MX2: variants seen among roughly 807,000 people sequenced by gnomAD.
MX2 encodes the protein MX dynamin like GTPase 2.
A neutral mutation model predicts 74.0 loss-of-function variants in MX2; 51 were observed. The ratio of observed to expected loss-of-function variants is 0.69; its 90% CI spans 0.55 to 0.87. The LOEUF (loss-of-function observed/expected upper bound fraction) is 0.87. MX2 is among the 40% of genes least tolerant of loss of function. The pLI is 0.00. For synonymous variants in MX2, 369 were observed against 339.3 expected (o/e 1.09, Z -0.96); for missense variants, 832 against 908.7 (o/e 0.92, Z 1.09).
rs1316459532 is a variant in MX2, at chr21:41,380,214, T to C, written c.577+63T>C. 1.9e-6 allele frequency: 3 copies of C among 1,602,750 alleles called. No individual in the cohort carries two copies. The highest frequency in any genetic ancestry group is 2.6e-6 in the Non-Finnish European group (3 of 1,173,522). On this transcript the variant is annotated intron_variant, in intron 4 of 13. Coordinates refer to ENST00000330714, the MANE Select transcript of MX2 (RefSeq NM_002463.2). The surrounding 1 kb of genome is among the most constrained non-coding windows in gnomAD (Gnocchi z 4.3). Reference sequence around the variant, plus strand: ...CGCTCCTCTCACTTCCTCGGTTCCTTCTCCTCTTCCTCAAGTCACCCCCAC... The same window carrying C: ...CGCTCCTCTCACTTCCTCGGTTCCTCCTCCTCTTCCTCAAGTCACCCCCAC...
chr21:41,404,831 G>T (rs1225951489), intron 12 of MX2: 2 of 146,910 alleles, frequency 1.4e-5, no homozygotes, highest in East Asian at 4.0e-4. Flanking sequence ...TAAGTTTGGG[G>T]TCCCAAGAAT....
chr21:41,379,614 A>G lies in MX2; in HGVS notation c.443-403A>G, dbSNP rs569993727. Among the ~76,000 whole-genome samples, 1,108 of 151,978 alleles carry G rather than the reference A, an allele frequency of 7.3e-3. 19 individuals carry two copies. Among genetic ancestry groups the G allele is most frequent in the African/African-American group, 0.025 (1,044 of 41,424 alleles). On this transcript the variant is annotated intron_variant, in intron 3 of 13. Coordinates refer to ENST00000330714, the MANE Select transcript of MX2 (RefSeq NM_002463.2). ...CAGGGCTGCCCACCGGGACAATTACAGGGCCTGGGGCAGACACCTGACATG... is the reference window on the plus strand; with the variant it reads ...CAGGGCTGCCCACCGGGACAATTACGGGGCCTGGGGCAGACACCTGACATG...
At chr21:41,381,481 C>T (rs2089491413) in intron 4 of MX2, among the ~76,000 whole-genome samples, 1 of 152,070 alleles carries the variant, frequency 6.6e-6, no homozygotes, top group Admixed American at 6.5e-5. Flanking sequence ...GTTAGGAGAT[C>T]AAGACCATCC....
chr21:41,394,958 GAA>G (rs34081858), intron 6 of MX2, among the ~76,000 whole-genome samples: 1 of 150,500 alleles, frequency 6.6e-6, no homozygotes, highest in Admixed American at 6.6e-5. Context: ...GAGAGAGAGA[GAA>G]AGGAAGGAAG....
intron 10 of MX2, 34 bp from the exon 11 acceptor site, chr21:41,401,936 A>G (rs765047837): frequency 2.5e-6 from 4 of 1,599,152 alleles, no homozygotes; most frequent in Non-Finnish European, 3.4e-6. Flanking sequence ...CAGAATTAGC[A>G]GAATTCACCA....
At chr21:41,395,888 A>G (rs2089728256) in intron 7 of MX2, 103 bp downstream of exon 7, 1 of 1,159,584 alleles carries the variant, frequency 8.6e-7, no homozygotes, top group Admixed American at 2.1e-5. Context: ...AAATTACACA[A>G]GGTAGTATAA....
intron 8 of MX2, 62 bp downstream of exon 8, chr21:41,397,753 C>A: frequency 1.4e-6 from 2 of 1,456,410 alleles, no homozygotes; most frequent in South Asian, 1.2e-5. Flanking sequence ...CTCTCTTGGT[C>A]TGGAGTTGGC....
chr21:41,394,360 C>A (rs560347877), intron 6 of MX2, among the ~76,000 whole-genome samples: 2 of 152,224 alleles, frequency 1.3e-5, no homozygotes, highest in East Asian at 1.9e-4. Flanking sequence ...TGGAGTGCTC[C>A]TTCTCCCTCC....
chr21:41,394,827 G>A (rs572674422), intron 6 of MX2, among the ~76,000 whole-genome samples: 50 of 152,066 alleles, frequency 3.3e-4, no homozygotes, highest in African/African-American at 1.1e-3. Context: ...TGTAGTCCCC[G>A]CTACTCAGGA....
chr21:41,362,659 G>C (rs957148247), intron 1 of MX2, among the ~76,000 whole-genome samples: 1 of 151,748 alleles, frequency 6.6e-6, no homozygotes, highest in African/African-American at 2.4e-5. Flanking sequence ...CTGCACCCTG[G>C]ATCGCCTGCA....
chr21:41,369,665 C>T (rs1410102582), intron 1 of MX2, among the ~76,000 whole-genome samples: 3 of 152,142 alleles, frequency 2.0e-5, no homozygotes, highest in Non-Finnish European at 4.4e-5. Context: ...CTCTGGGACT[C>T]TGGTGCCCCT....
intron 1 of MX2, chr21:41,365,137 A>T (rs1159311681): frequency 1.3e-5 from 2 of 152,220 alleles, no homozygotes; most frequent in African/African-American, 2.4e-5. Context: ...GTAATTAAAG[A>T]CGAGGTTGTT....
rs1256364500 is a variant in MX2, at chr21:41,396,959, GCCAGT to G, written c.1071-649_1071-645del. The stretch of plus-strand genomic sequence containing the variant: ...GTTCCTCCTGGTTGAGGCTAATGTT[GCCAGT>G]CCAGGGACCTCCCTTTGCAAACCGC... On this transcript the variant is annotated intron_variant, in intron 7 of 13. Transcript: ENST00000330714. Among the ~76,000 whole-genome samples the G allele has an allele frequency of 3.3e-5, 5 of 152,174 alleles. No homozygotes were observed. In the East Asian group the frequency reaches 9.6e-4, roughly 29 times the overall value.
chr21:41,375,296 C>A (rs965516102), intron 1 of MX2, among the ~76,000 whole-genome samples: 1 of 152,270 alleles, frequency 6.6e-6, no homozygotes, highest in Non-Finnish European at 1.5e-5. Flanking sequence ...GACTTGATCA[C>A]CACAATAACC....
At position 41,363,479 on chromosome 21, in the gene MX2, G is replaced by A. The variant is rs2089234809; in HGVS notation, c.-72+1424G>A. 6.6e-6 allele frequency: 1 copy of A among 152,436 alleles called. No individual in the cohort carries two copies. The highest frequency in any genetic ancestry group is 6.5e-5 in the Admixed American group (1 of 15,280). The allele number at this position is 152,436 out of a possible 1,614,324, so 9.4% of individuals were successfully genotyped here. ...AATGCAAGCTCCCCCAGAGATCTTT[G>A]TCTGCCTGACTCGATATGTATCTCA... On this transcript the variant is annotated intron_variant, in intron 1 of 13. Coordinates refer to ENST00000330714, the MANE Select transcript of MX2 (RefSeq NM_002463.2). The surrounding 1 kb of genome is among the most constrained non-coding windows in gnomAD (Gnocchi z 4.2).
chr21:41,396,744 G>A (rs930797092), intron 7 of MX2, among the ~76,000 whole-genome samples: 17 of 152,118 alleles, frequency 1.1e-4, no homozygotes, highest in African/African-American at 4.1e-4. Context: ...GTTTCCAATA[G>A]CACTGGAGGA....
At position 41,363,039 on chromosome 21, in the gene MX2, G is replaced by A. The variant is rs143702731; in HGVS notation, c.-72+984G>A. ...CTCCCAAAGCACTGGGATTACAGGC[G>A]TAAGCCACCCCATTCGGCTTTGATG... On this transcript the variant is annotated intron_variant, in intron 1 of 13. Coordinates refer to ENST00000330714, the MANE Select transcript of MX2 (RefSeq NM_002463.2). The surrounding 1 kb of genome is among the most constrained non-coding windows in gnomAD (Gnocchi z 4.2). Among the ~76,000 whole-genome samples, 645 of 152,166 alleles carry A rather than the reference G, an allele frequency of 4.2e-3. 4 individuals carry two copies. Among genetic ancestry groups the A allele is most frequent in the African/African-American group, 0.015 (604 of 41,492 alleles).
chr21:41,399,141 T>A lies in MX2; in HGVS notation c.1273-55T>A, dbSNP rs1210305612. Reference sequence around the variant, plus strand: ...GGTGGACATCTCCTTGCAACGCCGGTCCCAGTTCTTTCATATGATTTCCGC... The same window carrying A: ...GGTGGACATCTCCTTGCAACGCCGGACCCAGTTCTTTCATATGATTTCCGC... On this transcript the variant is annotated intron_variant, in intron 9 of 13. Transcript: ENST00000330714. 3.7e-6 allele frequency: 6 copies of A among 1,603,170 alleles called. No homozygotes were observed. In the East Asian group the frequency reaches 1.3e-4, roughly 36 times the overall value.
chr21:41,377,379 G>T (rs1392280908), intron 2 of MX2, among the ~76,000 whole-genome samples: 2 of 152,172 alleles, frequency 1.3e-5, no homozygotes, highest in African/African-American at 4.8e-5. Flanking sequence ...GTGTGCGGGG[G>T]TCCCCTTCCT....
Sources: gnomAD v4.1 joint callset for allele counts (sites outside exome capture counted in the v4.1 genomes callset) on GRCh38, gnomAD v4.1.1 for gene constraint, Gnocchi (gnomAD v3.1) non-coding constraint, MANE v1.5 for transcripts, NCBI Gene and HGNC (gene_info 2026-07-23, HGNC 2026-07-21) for gene names.